The following KCNH1 variants were observed in gnomAD, a reference collection of about 807,000 sequenced individuals.
The protein encoded by KCNH1 is voltage-gated delayed rectifier potassium channel KCNH1.
In KCNH1, 27 loss-of-function variants were observed where a neutral mutation model predicts 69.2. That is an observed-to-expected ratio of 0.39 (90% CI 0.29 to 0.54). The LOEUF is 0.54. KCNH1 is among the 20% of genes least tolerant of loss of function. KCNH1 has a pLI of 0.68. For synonymous variants in KCNH1, 456 were observed against 487.7 expected (o/e 0.93, Z 0.86); for missense variants, 798 against 1,261.6 (o/e 0.63, Z 5.57).
intron 7 of KCNH1, among the ~76,000 whole-genome samples, chr1:210,888,623 T>C (rs1574319260): frequency 6.6e-6 from 1 of 152,154 alleles, no homozygotes; most frequent in Non-Finnish European, 1.5e-5. Context: ...ATCCAGGAGC[T>C]GGTTTTTTGA....
intron 4 of KCNH1, among the ~76,000 whole-genome samples, chr1:211,083,244 A>G (rs958271542): frequency 6.6e-6 from 1 of 152,246 alleles, no homozygotes; most frequent in Non-Finnish European, 1.5e-5. Context: ...CTTCTTCAGA[A>G]GATAATATCG....
At chr1:210,832,290 T>G (rs1353668049) in intron 7 of KCNH1, among the ~76,000 whole-genome samples, 1 of 152,200 alleles carries the variant, frequency 6.6e-6, no homozygotes, top group Non-Finnish European at 1.5e-5. Flanking sequence ...GAGAGTCCTC[T>G]TCTTAGACCT....
chr1:211,126,589 G>C (rs567863033), intron 1 of KCNH1, among the ~76,000 whole-genome samples: 1 of 151,338 alleles, frequency 6.6e-6, no homozygotes, highest in East Asian at 1.9e-4. Context: ...GTGGGAGGAT[G>C]GAAGGATTAC....
At chr1:210,735,968 C>G (rs909147897) in intron 10 of KCNH1, among the ~76,000 whole-genome samples, 9 of 152,112 alleles carry the variant, frequency 5.9e-5, no homozygotes, top group Non-Finnish European at 2.9e-5. Context: ...TTTTAATTAT[C>G]TTATCCATTT....
intron 7 of KCNH1, among the ~76,000 whole-genome samples, chr1:210,880,637 G>T (rs1686473894): frequency 6.6e-6 from 1 of 152,050 alleles, no homozygotes; most frequent in Non-Finnish European, 1.5e-5. Flanking sequence ...ACTTTCAGAA[G>T]AAAACAGGAG....
chr1:210,787,254 C>T (rs547264584), intron 9 of KCNH1, among the ~76,000 whole-genome samples: 53 of 152,260 alleles, frequency 3.5e-4, no homozygotes, highest in Non-Finnish European at 6.6e-4. Flanking sequence ...TTTGCAACCC[C>T]CCACAGCCAC....
At chr1:210,688,691 T>A (rs1234775883) in intron 10 of KCNH1, among the ~76,000 whole-genome samples, 1 of 152,246 alleles carries the variant, frequency 6.6e-6, no homozygotes, top group African/African-American at 2.4e-5. Context: ...AACTCTTACA[T>A]GAGCTCAGAG....
At chr1:210,781,250 T>G (rs1374367894) in intron 9 of KCNH1, among the ~76,000 whole-genome samples, 3 of 152,022 alleles carry the variant, frequency 2.0e-5, no homozygotes, top group African/African-American at 7.2e-5. Flanking sequence ...AACATCAGCT[T>G]GTTGAGTGAG....
chr1:211,007,964 G>A (rs563046715), intron 6 of KCNH1, among the ~76,000 whole-genome samples: 57 of 152,256 alleles, frequency 3.7e-4, no homozygotes, highest in East Asian at 2.1e-3. Context: ...ATGTAAAATG[G>A]TAAAGCTGCT....
intron 1 of KCNH1, 105 bp from the exon 2 acceptor site, chr1:211,107,482 C>G: frequency 8.7e-7 from 1 of 1,144,442 alleles, no homozygotes; most frequent in Non-Finnish European, 1.2e-6. Flanking sequence ...ATTTCTGATT[C>G]CCTCCAAAAC....
At chr1:210,985,028 G>C (rs183237392) in intron 6 of KCNH1, among the ~76,000 whole-genome samples, 65 of 152,140 alleles carry the variant, frequency 4.3e-4, no homozygotes, top group East Asian at 2.5e-3. Context: ...TGTATATGTC[G>C]AGGAATTTAT....
intron 7 of KCNH1, among the ~76,000 whole-genome samples, chr1:210,805,117 A>G (rs907974845): frequency 1.6e-4 from 25 of 151,944 alleles, no homozygotes; most frequent in Non-Finnish European, 1.0e-4. Context: ...TTTCTATAGA[A>G]CTCATATTAC....
At chr1:211,061,101 G>T (rs1422980451) in intron 5 of KCNH1, among the ~76,000 whole-genome samples, 1 of 152,044 alleles carries the variant, frequency 6.6e-6, no homozygotes, top group Admixed American at 6.6e-5. Flanking sequence ...CATTAAAAAG[G>T]TCATTCATCA....
At chr1:210,856,870 T>TATATATATATAA (rs1558499253) in intron 7 of KCNH1, among the ~76,000 whole-genome samples, 1 of 76,030 alleles carries the variant, frequency 1.3e-5, no homozygotes, top group Non-Finnish European at 2.6e-5. Context: ...TATATATATA[T>TATATATATATAA]AACCCACTAT....
intron 7 of KCNH1, among the ~76,000 whole-genome samples, chr1:210,842,825 T>C (rs1368288096): frequency 2.6e-5 from 4 of 152,142 alleles, no homozygotes; most frequent in Non-Finnish European, 5.9e-5. Context: ...TTTTTTTCAG[T>C]GATGGAAGTT....
chr1:211,123,591 C>T (rs757652522), intron 1 of KCNH1, among the ~76,000 whole-genome samples: 6 of 152,004 alleles, frequency 3.9e-5, no homozygotes, highest in African/African-American at 7.2e-5. Flanking sequence ...CGGTGACAGA[C>T]GGTGACACAG....
intron 10 of KCNH1, among the ~76,000 whole-genome samples, chr1:210,709,185 G>A (rs1681991582): frequency 6.6e-6 from 1 of 152,212 alleles, no homozygotes; most frequent in Admixed American, 6.5e-5. Flanking sequence ...GGAGGCAGAG[G>A]TTGTAGTGAG....
intron 3 of KCNH1, among the ~76,000 whole-genome samples, chr1:211,101,511 C>A (rs1691256833): frequency 1.3e-5 from 2 of 152,132 alleles, no homozygotes; most frequent in African/African-American, 4.8e-5. Flanking sequence ...TTGTCCAGAG[C>A]CCCCACTGGC....
chr1:211,039,051 G>A (rs1318472625), intron 5 of KCNH1, among the ~76,000 whole-genome samples: 1 of 152,160 alleles, frequency 6.6e-6, no homozygotes, highest in Non-Finnish European at 1.5e-5. Context: ...AGAGGCCCAG[G>A]AGGAAAAAGT....
Sources: allele counts gnomAD v4.1 joint callset (sites outside exome capture counted in the v4.1 genomes callset), GRCh38; gene constraint gnomAD v4.1.1; transcripts MANE v1.5; gene names NCBI Gene and HGNC (gene_info 2026-07-23, HGNC 2026-07-21).